MAP4K3: variants seen among roughly 807,000 people sequenced by gnomAD.
MAP4K3 encodes MAPK/ERK kinase kinase kinase 3.
MAP4K3 carries 94 observed loss-of-function variants against 143.5 expected under a neutral mutation model. That is an observed-to-expected ratio of 0.65 (90% CI 0.55 to 0.78). The LOEUF is 0.78. Among genes scored for constraint, MAP4K3 ranks in the 30% least tolerant of loss-of-function variants. The pLI is 0.00. For missense variants in MAP4K3, 1,077 were observed against 1,068.1 expected (o/e 1.01, Z -0.12); for synonymous variants, 416 against 347.2 (o/e 1.20, Z -2.20).
At chr2:39,390,304 A>G (rs1002829351) in intron 1 of MAP4K3, among the ~76,000 whole-genome samples, 2 of 152,208 alleles carry the variant, frequency 1.3e-5, no homozygotes, top group South Asian at 4.1e-4. Context: ...ACACTGAGAA[A>G]TACGGTATAC....
At chr2:39,428,111 T>C (rs1665155998) in intron 1 of MAP4K3, among the ~76,000 whole-genome samples, 1 of 152,212 alleles carries the variant, frequency 6.6e-6, no homozygotes, top group African/African-American at 2.4e-5. Flanking sequence ...ATTGTTTTCT[T>C]CTAATTGTTA....
chr2:39,277,362 C>T (rs976436873), intron 24 of MAP4K3, among the ~76,000 whole-genome samples: 4 of 152,222 alleles, frequency 2.6e-5, no homozygotes, highest in Admixed American at 1.3e-4. Context: ...TCTCAAATGC[C>T]TCTACTCATC....
intron 1 of MAP4K3, among the ~76,000 whole-genome samples, chr2:39,384,379 C>G (rs2148587888): frequency 6.6e-6 from 1 of 152,314 alleles, no homozygotes; most frequent in East Asian, 1.9e-4. Context: ...AACACCATCT[C>G]TACTAAAAAT....
chr2:39,320,957 G>C (rs1408520920), intron 12 of MAP4K3, among the ~76,000 whole-genome samples: 1 of 152,058 alleles, frequency 6.6e-6, no homozygotes, highest in East Asian at 1.9e-4. Context: ...TCACAGTGTA[G>C]GTACATCTCA....
At chr2:39,315,605 T>C in intron 12 of MAP4K3, 1 of 494,778 alleles carries the variant, frequency 2.0e-6, no homozygotes, top group African/African-American at 2.0e-5. Flanking sequence ...TAAATTATTA[T>C]TTGTACTAGA....
Position 39,411,891 on chromosome 2 carries a change from T to A in MAP4K3, c.96+25001A>T, listed in dbSNP as rs118143997. 1.7e-3 allele frequency among the ~76,000 whole-genome samples: 261 copies of A among 152,302 alleles called. 6 individuals carry two copies. The East Asian group carries it at 0.025, about 15-fold the overall frequency. ...ACTAATAAAAGGAAGCTTAAACACT[T>A]GACAACACGCTTCATGGCACTCTAG... is the stretch of plus-strand genomic sequence containing the variant. On this transcript the variant is annotated intron_variant, in intron 1 of 33. Transcript: ENST00000263881.
chr2:39,399,049 A>C (rs1033494155), intron 1 of MAP4K3, among the ~76,000 whole-genome samples: 7 of 151,258 alleles, frequency 4.6e-5, no homozygotes, highest in Admixed American at 6.6e-5. Flanking sequence ...CTCGTTAAAA[A>C]AAAAAAAAAA....
chr2:39,394,114 T>A (rs1055064765), intron 1 of MAP4K3, among the ~76,000 whole-genome samples: 2 of 152,222 alleles, frequency 1.3e-5, no homozygotes, highest in African/African-American at 4.8e-5. Flanking sequence ...TATAAAAATT[T>A]TTCTACCATT....
intron 3 of MAP4K3, among the ~76,000 whole-genome samples, chr2:39,344,389 T>A (rs531485443): frequency 6.6e-6 from 1 of 152,348 alleles, no homozygotes; most frequent in South Asian, 2.1e-4. Context: ...TAACTACAAT[T>A]AATAAATAAA....
chr2:39,357,307 T>C (rs1573193181), intron 2 of MAP4K3, among the ~76,000 whole-genome samples: 1 of 152,274 alleles, frequency 6.6e-6, no homozygotes, highest in African/African-American at 2.4e-5. Flanking sequence ...TTTGTATTAC[T>C]AATTCAGCTT....
At chr2:39,389,305 G>C (rs1323787867) in intron 1 of MAP4K3, among the ~76,000 whole-genome samples, 8 of 151,888 alleles carry the variant, frequency 5.3e-5, no homozygotes, top group Non-Finnish European at 1.5e-5. Flanking sequence ...GAAAATGAGA[G>C]ATTAAGAGAC....
intron 4 of MAP4K3, among the ~76,000 whole-genome samples, chr2:39,340,051 A>G (rs908000841): frequency 6.6e-6 from 1 of 152,234 alleles, no homozygotes; most frequent in Admixed American, 6.5e-5. Context: ...TGTTGGAACA[A>G]TAAAAGGTTC....
rs1347537725 is a variant in MAP4K3 at position 39,315,328 on chromosome 2, T to C, written c.979A>G (p.Thr327Ala). ...STSRNVREEK[T>A]RSEITFGQVK... ...TACTTACAGGTTATCTCTGAGCGTGTTTTTTCTTCTCTCACGTTTCTACTT... is the reference window on the plus strand; with the variant it reads ...TACTTACAGGTTATCTCTGAGCGTGCTTTTTCTTCTCTCACGTTTCTACTT... Residue 327 changes from threonine to alanine, a missense_variant, in exon 13 of 34, where the codon ACA becomes GCA. Physicochemically the swap from Thr to Ala is moderately conservative, Grantham distance 58 (BLOSUM62 0). Around this residue, in one of 2 missense-constraint regions of MAP4K3, gnomAD observed 864 missense variants for 801.2 expected, o/e 1.08. Coordinates refer to ENST00000263881, the MANE Select transcript of MAP4K3 (RefSeq NM_003618.4). 6.2e-7 allele frequency: 1 copy of C among 1,610,086 alleles called. No homozygotes were observed. The highest frequency in any genetic ancestry group is 1.1e-5 in the South Asian group (1 of 90,902).
intron 15 of MAP4K3, among the ~76,000 whole-genome samples, chr2:39,307,450 T>G (rs1287227950): frequency 2.0e-5 from 3 of 151,962 alleles, no homozygotes; most frequent in African/African-American, 7.2e-5. Flanking sequence ...ATTGTTAATG[T>G]AGGAATAAAT....
chr2:39,278,095 A>G (rs1681349598), intron 24 of MAP4K3, among the ~76,000 whole-genome samples: 1 of 151,772 alleles, frequency 6.6e-6, no homozygotes, highest in Non-Finnish European at 1.5e-5. Context: ...CAGCCTGGCC[A>G]ACATGGTGAA....
intron 2 of MAP4K3, among the ~76,000 whole-genome samples, chr2:39,357,780 C>A (rs1181696758): frequency 6.6e-6 from 1 of 152,134 alleles, no homozygotes; most frequent in Non-Finnish European, 1.5e-5. Context: ...AAGACTAACA[C>A]CAATTTTTAT....
At chr2:39,310,099 C>G (rs563041390) in intron 13 of MAP4K3, among the ~76,000 whole-genome samples, 1 of 152,244 alleles carries the variant, frequency 6.6e-6, no homozygotes, top group South Asian at 2.1e-4. Flanking sequence ...CAAACATTTA[C>G]CATTTCTTTG....
At chr2:39,350,709 T>C (rs1214984118) in intron 3 of MAP4K3, among the ~76,000 whole-genome samples, 2 of 152,174 alleles carry the variant, frequency 1.3e-5, no homozygotes, top group Non-Finnish European at 2.9e-5. Flanking sequence ...CTAAATTGCC[T>C]CTTTTAATCC....
Position 39,436,997 on chromosome 2 carries a change from C to CA in MAP4K3, c.-11dup. ...CGAAGCCGGGGTTCATGGCGGGCCC[C>CA]AGGTGCCCCCCGCCTCCCTCCCGGG... is the stretch of plus-strand genomic sequence containing the variant. On this transcript the variant is annotated 5_prime_UTR_variant, in exon 1 of 34. Transcript: ENST00000263881. 6.2e-7 allele frequency: 1 copy of CA among 1,607,414 alleles called. No individual in the cohort carries two copies. The highest frequency in any genetic ancestry group is 8.5e-7 in the Non-Finnish European group (1 of 1,177,074).
Sources: gnomAD v4.1 joint callset for allele counts (sites outside exome capture counted in the v4.1 genomes callset) on GRCh38, gnomAD v4.1.1 for gene constraint, gnomAD v4.1.1 regional missense constraint, MANE v1.5 for transcripts, NCBI Gene and HGNC (gene_info 2026-07-23, HGNC 2026-07-21) for gene names.